The following PPM1H variants were observed in gnomAD, a reference collection of about 807,000 sequenced individuals.
PPM1H encodes the protein protein phosphatase 1H.
Under a neutral mutation model 54.9 loss-of-function variants are expected in PPM1H, and 27 were observed. The observed-to-expected ratio is 0.49, with a 90% CI of 0.36 to 0.68. PPM1H has a LOEUF of 0.68. Ranked by LOEUF, PPM1H falls within the 30% of genes least tolerant of loss-of-function variation. The probability of loss-of-function intolerance (pLI) is 0.00; values close to 1 mark genes in which losing one functional copy is unlikely to be tolerated. For missense variants in PPM1H, 596 were observed against 667.8 expected (o/e 0.89, Z 1.19); for synonymous variants, 305 against 270.8 (o/e 1.13, Z -1.24).
At chr12:62,687,642 C>A (rs1169314280) in intron 8 of PPM1H, among the ~76,000 whole-genome samples, 3 of 151,952 alleles carry the variant, frequency 2.0e-5, no homozygotes, top group Non-Finnish European at 2.9e-5. Context: ...ACAGCACCTG[C>A]TCTTGGGAAG....
intron 2 of PPM1H, among the ~76,000 whole-genome samples, chr12:62,808,587 C>T (rs1565795064): frequency 6.6e-6 from 1 of 152,102 alleles, no homozygotes; most frequent in Non-Finnish European, 1.5e-5. Context: ...GATGATCTCC[C>T]CACATTCTAG....
rs562775339 is a variant in PPM1H at position 62,896,488 on chromosome 12, C to T, written c.245+38004G>A. Among the ~76,000 whole-genome samples, 16 of 152,264 alleles carry T rather than the reference C, an allele frequency of 1.1e-4. No individual in the cohort carries two copies. The East Asian group carries it at 3.1e-3, about 29-fold the overall frequency. On this transcript the variant is annotated intron_variant, in intron 1 of 9. Transcript: ENST00000228705. ...AGAAGACATTTATGCAGCCAACAGACATATGAAAAAATGCTCATCATCACT... is the reference window on the plus strand; with the variant it reads ...AGAAGACATTTATGCAGCCAACAGATATATGAAAAAATGCTCATCATCACT...
In PPM1H at chr12:62,718,583, CTCT is replaced by C. The variant is rs140063139; in HGVS notation, c.1073+1585_1073+1587del. Among the ~76,000 whole-genome samples, 830 of 152,194 alleles carry C rather than the reference CTCT, an allele frequency of 5.5e-3. 6 individuals carry two copies. The highest frequency in any genetic ancestry group is 0.019 in the African/African-American group (798 of 41,502). ...CCCCATCTGTCTCCCATAGTCTCTC[CTCT>C]TCTATTTGGTCATGTTCCTTGCTGT... On this transcript the variant is annotated intron_variant, in intron 6 of 9. Transcript: ENST00000228705.
chr12:62,910,242 G>A (rs561078881), intron 1 of PPM1H, among the ~76,000 whole-genome samples: 28 of 152,302 alleles, frequency 1.8e-4, no homozygotes, highest in African/African-American at 6.3e-4. Flanking sequence ...AAGACCATAC[G>A]AGGTGCTGTG....
intron 2 of PPM1H, among the ~76,000 whole-genome samples, chr12:62,817,207 T>C (rs1177777805): frequency 7.1e-6 from 1 of 140,696 alleles, no homozygotes; most frequent in Non-Finnish European, 1.5e-5. Flanking sequence ...TCATGCCTAT[T>C]ATCCCAGCAC....
At chr12:62,715,463 G>A (rs554723197) in intron 6 of PPM1H, among the ~76,000 whole-genome samples, 2 of 152,096 alleles carry the variant, frequency 1.3e-5, no homozygotes, top group African/African-American at 2.4e-5. Context: ...GGGAGGTGGG[G>A]GAGCCAGGGA....
At chr12:62,752,020 C>A (rs772416484) in intron 4 of PPM1H, among the ~76,000 whole-genome samples, 63 of 152,264 alleles carry the variant, frequency 4.1e-4, no homozygotes, top group Middle Eastern at 3.4e-3. Context: ...ATCTCTCATT[C>A]GTTGAACATA....
chr12:62,811,395 G>A (rs907855625), intron 2 of PPM1H, among the ~76,000 whole-genome samples: 1 of 152,186 alleles, frequency 6.6e-6, no homozygotes, highest in African/African-American at 2.4e-5. Context: ...CAGGTGGGGA[G>A]ACCAGGCTGC....
At chr12:62,909,135 C>G (rs1871385208) in intron 1 of PPM1H, among the ~76,000 whole-genome samples, 1 of 152,160 alleles carries the variant, frequency 6.6e-6, no homozygotes, top group Non-Finnish European at 1.5e-5. Flanking sequence ...GTTCACCAAT[C>G]AATCCTGTCA....
intron 3 of PPM1H, among the ~76,000 whole-genome samples, chr12:62,798,318 C>A (rs920839675): frequency 1.3e-5 from 2 of 152,164 alleles, no homozygotes; most frequent in Non-Finnish European, 2.9e-5. Context: ...CAACACTTTG[C>A]GTGAGGTAAG....
intron 3 of PPM1H, 40 bp from the exon 4 acceptor site, chr12:62,788,378 T>C (rs1014901016): frequency 2.5e-5 from 32 of 1,283,732 alleles, no homozygotes; most frequent in Non-Finnish European, 3.4e-5. Flanking sequence ...TTGTGCAGGA[T>C]GTGTAGCAAA....
intron 9 of PPM1H, chr12:62,659,189 C>A: frequency 1.4e-6 from 1 of 710,972 alleles, no homozygotes. Context: ...GAGTCACCAA[C>A]CCCAATGCCA....
chr12:62,683,991 T>G (rs770491456), intron 8 of PPM1H, among the ~76,000 whole-genome samples: 2 of 152,106 alleles, frequency 1.3e-5, no homozygotes, highest in Non-Finnish European at 2.9e-5. Flanking sequence ...GAAAGAAGAA[T>G]GTGAGGAGAG....
intron 2 of PPM1H, among the ~76,000 whole-genome samples, chr12:62,806,672 T>C (rs2076807532): frequency 6.6e-6 from 1 of 152,140 alleles, no homozygotes; most frequent in African/African-American, 2.4e-5. Flanking sequence ...TCTCTGGCCA[T>C]GTAAGATGTG....
At chr12:62,860,824 C>A (rs1242621284) in intron 1 of PPM1H, among the ~76,000 whole-genome samples, 2 of 152,196 alleles carry the variant, frequency 1.3e-5, no homozygotes, top group Middle Eastern at 3.2e-3. Context: ...TATTAAGTTT[C>A]CTCGCCACAG....
intron 9 of PPM1H, chr12:62,658,846 G>A (rs2075863198): frequency 1.7e-6 from 1 of 575,362 alleles, no homozygotes; most frequent in Admixed American, 2.0e-5. Flanking sequence ...TCCTTGTGGA[G>A]CCCAAGATTG....
At chr12:62,678,756 T>C (rs2076001797) in intron 8 of PPM1H, among the ~76,000 whole-genome samples, 2 of 152,122 alleles carry the variant, frequency 1.3e-5, no homozygotes, top group African/African-American at 2.4e-5. Context: ...AATGGCGTGA[T>C]CTCAGCTCAC....
chr12:62,776,924 G>A (rs1401894447), intron 4 of PPM1H, among the ~76,000 whole-genome samples: 1 of 152,226 alleles, frequency 6.6e-6, no homozygotes, highest in African/African-American at 2.4e-5. Context: ...AGTAAGGACT[G>A]CTCAGTGAAC....
rs1305151934 is a variant in PPM1H at position 62,721,613 on chromosome 12, G to GGT, written c.955-1325_955-1324insAC. 9.9e-3 allele frequency among the ~76,000 whole-genome samples: 1,505 copies of GGT among 152,238 alleles called. 20 individuals are homozygous for GGT. The highest frequency in any genetic ancestry group is 0.035 in the African/African-American group (1,439 of 41,536). ...CGAGGTTTTACAGAGAGGTTCTCCT[G>GGT]GGAAGGAATGAAGGGAACTAACACT... On this transcript the variant is annotated intron_variant, in intron 5 of 9. Transcript: ENST00000228705.
Sources: allele counts gnomAD v4.1 joint callset (sites outside exome capture counted in the v4.1 genomes callset), GRCh38; gene constraint gnomAD v4.1.1; transcripts MANE v1.5; gene names NCBI Gene and HGNC (gene_info 2026-07-23, HGNC 2026-07-21).